The following KCNQ1 variants were observed in gnomAD, a reference collection of about 807,000 sequenced individuals.
KCNQ1 encodes the protein potassium voltage-gated channel subfamily KQT member 1.
Under a neutral mutation model 72.4 loss-of-function variants are expected in KCNQ1, and 49 were observed. The ratio of observed to expected loss-of-function variants is 0.68; its 90% CI spans 0.54 to 0.86. KCNQ1 has a LOEUF of 0.86. Ranked by LOEUF, KCNQ1 falls within the 40% of genes least tolerant of loss-of-function variation. The pLI, the probability that KCNQ1 is intolerant of heterozygous loss-of-function variation, is 0.00. For missense variants in KCNQ1, 790 were observed against 945.1 expected, an observed-to-expected ratio of 0.84 and a Z score of 2.15; for synonymous variants, 450 against 412.6, an observed-to-expected ratio of 1.09 and a Z score of -1.10.
At position 2,664,714 on chromosome 11, in the gene KCNQ1, A is replaced by C; in HGVS notation, c.1514+2633A>C. 1 of 398,694 alleles carries C rather than the reference A, an allele frequency of 2.5e-6. No individual in the cohort carries two copies. Among genetic ancestry groups the C allele is most frequent in the Non-Finnish European group, 4.4e-6 (1 of 226,136 alleles). The allele number at this position is 398,694 out of a possible 1,614,324, so 24.7% of individuals were successfully genotyped here. A position where few individuals can be genotyped will look rare whatever the true frequency, so the allele number is the denominator to read the frequency against. On this transcript the variant is annotated intron_variant, in intron 11 of 15. Coordinates refer to ENST00000155840, the MANE Select transcript of KCNQ1 (RefSeq NM_000218.3). This position sits in a 1 kb window ranked among gnomAD's most constrained non-coding sequence, Gnocchi z 5.1. ...TGGACCCTGAACTGGGAAGAGAGGC[A>C]CACGCCCTGGTGTGTGTGAGGGACA...
At position 2,678,164 on chromosome 11, in the gene KCNQ1, T is replaced by C. The variant is rs1384182042; in HGVS notation, c.1514+16083T>C. 3 of 398,238 alleles carry C rather than the reference T, an allele frequency of 7.5e-6. No individual in the cohort carries two copies. Among genetic ancestry groups the C allele is most frequent in the Non-Finnish European group, 1.3e-5 (3 of 225,962 alleles). The allele number at this position is 398,238 out of a possible 1,614,324, so 24.7% of individuals were successfully genotyped here. On this transcript the variant is annotated intron_variant, in intron 11 of 15. Coordinates refer to ENST00000155840, the MANE Select transcript of KCNQ1 (RefSeq NM_000218.3). This position sits in a 1 kb window ranked among gnomAD's most constrained non-coding sequence, Gnocchi z 4.9. ...TCCTTAGGTGTTTTGGCTTTTTCTA[T>C]AATATTTTTCTGGTGGCAGAATTTT... is the stretch of plus-strand genomic sequence containing the variant.
chr11:2,461,601 C>G lies in KCNQ1; in HGVS notation c.386+16117C>G, dbSNP rs764202742. On this transcript the variant is annotated intron_variant, in intron 1 of 15. Coordinates refer to ENST00000155840, the MANE Select transcript of KCNQ1 (RefSeq NM_000218.3). Reference sequence around the variant, plus strand: ...ACGGCTGCTTTTGTTTACGTGGCCCCTGCTCTCACCCACAACTCCAGGTTT... The same window carrying G: ...ACGGCTGCTTTTGTTTACGTGGCCCGTGCTCTCACCCACAACTCCAGGTTT... 3 of 1,361,238 alleles carry G rather than the reference C, an allele frequency of 2.2e-6. No individual in the cohort carries two copies. In the East Asian group the frequency reaches 1.4e-4, roughly 62 times the overall value. 84.3% of individuals were successfully genotyped at this position (1,361,238 alleles called of 1,614,324 possible).
intron 1 of KCNQ1, among the ~76,000 whole-genome samples, chr11:2,470,030 C>T (rs1173539589): frequency 6.6e-6 from 1 of 151,888 alleles, no homozygotes; most frequent in African/African-American, 2.4e-5. Flanking sequence ...GGTGCTATGA[C>T]GGCTCACTGC....
chr11:2,636,707 G>T (rs960885373), intron 10 of KCNQ1: 2 of 152,218 alleles, frequency 1.3e-5, no homozygotes, highest in Non-Finnish European at 2.9e-5. Context: ...CATAAAATGA[G>T]TTAGGGAGGA....
chr11:2,744,486 G>C (rs542226998), intron 11 of KCNQ1, among the ~76,000 whole-genome samples: 1 of 152,342 alleles, frequency 6.6e-6, no homozygotes, highest in East Asian at 1.9e-4. Context: ...GTTTGCGGTT[G>C]CTCCTGACGC....
Position 2,621,695 on chromosome 11 carries a change from G to T in KCNQ1, c.1393+32841G>T. 1 of 398,310 alleles carries T rather than the reference G, an allele frequency of 2.5e-6. No individual in the cohort carries two copies. Among genetic ancestry groups the T allele is most frequent in the Non-Finnish European group, 4.4e-6 (1 of 225,974 alleles). 24.7% of individuals were successfully genotyped at this position (398,310 alleles called of 1,614,324 possible). On this transcript the variant is annotated intron_variant, in intron 10 of 15. Transcript: ENST00000155840. This position sits in a 1 kb window ranked among gnomAD's most constrained non-coding sequence, Gnocchi z 5.7. Reference sequence around the variant, plus strand: ...ATAATTGTTCATAAAAGTCCCTTATGATCCTTTTTATTTCTGAAGTACCTG... The same window carrying T: ...ATAATTGTTCATAAAAGTCCCTTATTATCCTTTTTATTTCTGAAGTACCTG...
chr11:2,568,160 C>T (rs1441242138), intron 2 of KCNQ1, among the ~76,000 whole-genome samples: 2 of 152,118 alleles, frequency 1.3e-5, no homozygotes, highest in Admixed American at 6.5e-5. Flanking sequence ...GTAGTCCCAG[C>T]TACTCAGGAG....
chr11:2,791,523 C>G (rs1268547324), intron 15 of KCNQ1, among the ~76,000 whole-genome samples: 1 of 152,076 alleles, frequency 6.6e-6, no homozygotes, highest in Non-Finnish European at 1.5e-5. Flanking sequence ...ATAGATGTCC[C>G]GACCCGAGCC....
intron 1 of KCNQ1, among the ~76,000 whole-genome samples, chr11:2,510,528 G>A (rs749264545): frequency 6.6e-6 from 1 of 152,142 alleles, no homozygotes; most frequent in African/African-American, 2.4e-5. Flanking sequence ...GATCACTTGA[G>A]CCCAGGAGTA....
rs1333953184 is a variant in KCNQ1, at chr11:2,601,951, G to A, written c.1393+13097G>A. On this transcript the variant is annotated intron_variant, in intron 10 of 15. Transcript: ENST00000155840. This position sits in a 1 kb window ranked among gnomAD's most constrained non-coding sequence, Gnocchi z 5.2. The stretch of plus-strand genomic sequence containing the variant: ...CGCCTTCTATGGCAAAGGGCACTCT[G>A]CAGATGTGTCAAATTAAGGACCTTG... 6.6e-6 allele frequency among the ~76,000 whole-genome samples: 1 copy of A among 152,180 alleles called. No individual in the cohort carries two copies. Among genetic ancestry groups the A allele is most frequent in the Non-Finnish European group, 1.5e-5 (1 of 68,024 alleles).
chr11:2,497,345 T>C lies in KCNQ1; in HGVS notation c.387-30583T>C, dbSNP rs936639223. 1.3e-5 allele frequency among the ~76,000 whole-genome samples: 2 copies of C among 152,212 alleles called. No individual in the cohort carries two copies. The highest frequency in any genetic ancestry group is 2.9e-5 in the Non-Finnish European group (2 of 68,034). ...GTCTTTTCATATAGTCCCATATTTCTTGGAGGTTTTGTTCGTTCTTTTTCA... is the reference window on the plus strand; with the variant it reads ...GTCTTTTCATATAGTCCCATATTTCCTGGAGGTTTTGTTCGTTCTTTTTCA... On this transcript the variant is annotated intron_variant, in intron 1 of 15. Transcript: ENST00000155840. The surrounding 1 kb of genome is among the most constrained non-coding windows in gnomAD (Gnocchi z 4.5).
rs1850517300 is a variant in KCNQ1, at chr11:2,687,830, C to G, written c.1514+25749C>G. On this transcript the variant is annotated intron_variant, in intron 11 of 15. Transcript: ENST00000155840. The surrounding 1 kb of genome is among the most constrained non-coding windows in gnomAD (Gnocchi z 5.0). Reference sequence around the variant, plus strand: ...CCCCCTCCTCTGCCCCAACTGGCTCCAGGCCAAACTCTGGTTCCTGAGGAG... The same window carrying G: ...CCCCCTCCTCTGCCCCAACTGGCTCGAGGCCAAACTCTGGTTCCTGAGGAG... 5.0e-6 allele frequency: 2 copies of G among 398,596 alleles called. No individual in the cohort carries two copies. Among genetic ancestry groups the G allele is most frequent in the Non-Finnish European group, 8.8e-6 (2 of 226,140 alleles). 24.7% of individuals were successfully genotyped at this position (398,596 alleles called of 1,614,324 possible).
At position 2,752,728 on chromosome 11, in the gene KCNQ1, C is replaced by T. The variant is rs930987609; in HGVS notation, c.1515-16116C>T. 3.9e-5 allele frequency among the ~76,000 whole-genome samples: 6 copies of T among 152,168 alleles called. No homozygotes were observed. The East Asian group carries it at 9.7e-4, about 24-fold the overall frequency. On this transcript the variant is annotated intron_variant, in intron 11 of 15. Coordinates refer to ENST00000155840, the MANE Select transcript of KCNQ1 (RefSeq NM_000218.3). This position sits in a 1 kb window ranked among gnomAD's most constrained non-coding sequence, Gnocchi z 5.2. The stretch of plus-strand genomic sequence containing the variant: ...CTCTCAAATGCGCCATCTCCTAACA[C>T]CATCAGGGCTGCGGGTTAGCTTTCG...
At chr11:2,825,648 G>A (rs1250681481) in intron 15 of KCNQ1, among the ~76,000 whole-genome samples, 1 of 152,268 alleles carries the variant, frequency 6.6e-6, no homozygotes, top group African/African-American at 2.4e-5. Flanking sequence ...ACCTGCCCAT[G>A]AGGAAGTCAG....
rs1186590325 is a variant in KCNQ1, at chr11:2,713,353, T to C, written c.1514+51272T>C. Among the ~76,000 whole-genome samples, 1 of 152,226 alleles carries C rather than the reference T, an allele frequency of 6.6e-6. No individual in the cohort carries two copies. The highest frequency in any genetic ancestry group is 2.4e-5 in the African/African-American group (1 of 41,456). On this transcript the variant is annotated intron_variant, in intron 11 of 15. Coordinates refer to ENST00000155840, the MANE Select transcript of KCNQ1 (RefSeq NM_000218.3). The surrounding 1 kb of genome is among the most constrained non-coding windows in gnomAD (Gnocchi z 5.6). ...GCTCGCCATAAAAACTCTCCAGTCATCTTTTCCGCTGTGGTTTTTATTGTT... is the reference window on the plus strand; with the variant it reads ...GCTCGCCATAAAAACTCTCCAGTCACCTTTTCCGCTGTGGTTTTTATTGTT...
rs113785152 is a variant in KCNQ1 at position 2,774,239 on chromosome 11, A to G, written c.1591-1721A>G. Among the ~76,000 whole-genome samples, 817 of 152,354 alleles carry G rather than the reference A, an allele frequency of 5.4e-3. 10 individuals carry two copies. The highest frequency in any genetic ancestry group is 0.019 in the African/African-American group (782 of 41,582). ...TGAGGATGTTATTACTAGCCTGTAC[A>G]TAAGTACGGTTTTTACGGGCCAGAG... On this transcript the variant is annotated intron_variant, in intron 12 of 15. Transcript: ENST00000155840.
At position 2,550,206 on chromosome 11, in the gene KCNQ1, C is replaced by G. The variant is rs529358284; in HGVS notation, c.478-20422C>G. 6.6e-6 allele frequency among the ~76,000 whole-genome samples: 1 copy of G among 152,372 alleles called. No individual in the cohort carries two copies. Among genetic ancestry groups the G allele is most frequent in the African/African-American group, 2.4e-5 (1 of 41,584 alleles). On this transcript the variant is annotated intron_variant, in intron 2 of 15. Transcript: ENST00000155840. The surrounding 1 kb of genome is among the most constrained non-coding windows in gnomAD (Gnocchi z 6.0). Reference sequence around the variant, plus strand: ...ACGTCCCTCCCCCGCCTCTCTTTGCCGTTGCCGGGACTGGGCCGTGTGCCT... The same window carrying G: ...ACGTCCCTCCCCCGCCTCTCTTTGCGGTTGCCGGGACTGGGCCGTGTGCCT...
intron 11 of KCNQ1, among the ~76,000 whole-genome samples, chr11:2,753,799 A>G (rs1051124692): frequency 1.3e-5 from 2 of 152,196 alleles, no homozygotes; most frequent in Admixed American, 6.5e-5. Flanking sequence ...GGCCGGGGAC[A>G]CACACATTTG....
intron 2 of KCNQ1, among the ~76,000 whole-genome samples, chr11:2,551,822 G>T (rs1022062145): frequency 1.3e-5 from 2 of 152,190 alleles, no homozygotes; most frequent in African/African-American, 4.8e-5. Context: ...TTCCGTCATG[G>T]TCTTCATTTG....
Sources: gnomAD v4.1 joint callset for allele counts (sites outside exome capture counted in the v4.1 genomes callset) on GRCh38, gnomAD v4.1.1 for gene constraint, Gnocchi (gnomAD v3.1) non-coding constraint, MANE v1.5 for transcripts, NCBI Gene and HGNC (gene_info 2026-07-23, HGNC 2026-07-21) for gene names.